The following HM13 variants were observed in gnomAD, a reference collection of about 807,000 sequenced individuals.
HM13 encodes signal peptide peptidase.
HM13 carries 18 observed loss-of-function variants against 50.0 expected under a neutral mutation model. The observed-to-expected ratio is 0.36, with a 90% CI of 0.25 to 0.53. The LOEUF is 0.53. Ranked by LOEUF, HM13 falls within the 20% of genes least tolerant of loss-of-function variation. The probability of loss-of-function intolerance (pLI) is 0.90; values close to 1 mark genes in which losing one functional copy is unlikely to be tolerated. For missense variants in HM13, 393 were observed against 552.4 expected (o/e 0.71, Z 2.89); for synonymous variants, 197 against 232.6 (o/e 0.85, Z 1.39).
chr20:31,552,171 G>T (rs1237276769), intron 7 of HM13, among the ~76,000 whole-genome samples: 1 of 152,188 alleles, frequency 6.6e-6, no homozygotes, highest in African/African-American at 2.4e-5. Context: ...GGGTGTGTAA[G>T]CCCAGAGAAC....
chr20:31,527,412 G>C, intron 1 of HM13, 72 bp from the exon 2 acceptor site: 1 of 1,048,866 alleles, frequency 9.5e-7, no homozygotes, highest in South Asian at 1.4e-5. Flanking sequence ...CAAGGGAATA[G>C]CATTAGCAGA....
At chr20:31,520,015 C>A (rs1982055032) in intron 1 of HM13, among the ~76,000 whole-genome samples, 1 of 151,926 alleles carries the variant, frequency 6.6e-6, no homozygotes, top group Non-Finnish European at 1.5e-5. Flanking sequence ...ACCCACCACA[C>A]CTGGCTAATT....
chr20:31,543,001 G>T (rs560696781), intron 3 of HM13, among the ~76,000 whole-genome samples: 2 of 152,294 alleles, frequency 1.3e-5, no homozygotes, highest in African/African-American at 4.8e-5. Context: ...TAAGGAAGAG[G>T]CCGGCTAAGA....
chr20:31,519,622 A>G (rs1380260150), intron 1 of HM13, among the ~76,000 whole-genome samples: 2 of 152,188 alleles, frequency 1.3e-5, no homozygotes, highest in Non-Finnish European at 2.9e-5. Context: ...TCAGAAGCTC[A>G]AGGTGGGCCC....
chr20:31,523,045 G>GGC (rs1555838862), intron 1 of HM13, among the ~76,000 whole-genome samples: 2 of 149,378 alleles, frequency 1.3e-5, no homozygotes, highest in Admixed American at 6.6e-5. Flanking sequence ...GTTTTTTTTG[G>GGC]GAGGGGGGCT....
intron 8 of HM13, among the ~76,000 whole-genome samples, chr20:31,558,159 C>CTTTTTCT (rs1207811952): frequency 4.6e-5 from 7 of 152,150 alleles, no homozygotes; most frequent in Non-Finnish European, 1.0e-4. Flanking sequence ...ATGTCTCTTT[C>CTTTTTCT]TTTTTCTTTT....
At chr20:31,522,963 A>G (rs780026107) in intron 1 of HM13, among the ~76,000 whole-genome samples, 1 of 150,118 alleles carries the variant, frequency 6.7e-6, no homozygotes, top group Non-Finnish European at 1.5e-5. Context: ...GCTGATGTTC[A>G]TACTGTGTGT....
chr20:31,516,564 G>A (rs139939278), intron 1 of HM13, among the ~76,000 whole-genome samples: 144 of 152,308 alleles, frequency 9.5e-4, no homozygotes, highest in African/African-American at 3.3e-3. Context: ...GAGCCTTGAC[G>A]TAGAGGTAGA....
At chr20:31,525,578 C>G (rs1747659498) in intron 1 of HM13, among the ~76,000 whole-genome samples, 1 of 152,026 alleles carries the variant, frequency 6.6e-6, no homozygotes, top group South Asian at 2.1e-4. Flanking sequence ...CTTTTGGTAG[C>G]CATGATATAA....
chr20:31,539,850 G>C (rs1215565459), intron 3 of HM13: 2 of 151,980 alleles, frequency 1.3e-5, no homozygotes, highest in Non-Finnish European at 2.9e-5. Flanking sequence ...CACACTGGCA[G>C]GACAGTGTGG....
At chr20:31,525,351 A>G (rs898094937) in intron 1 of HM13, among the ~76,000 whole-genome samples, 8 of 152,164 alleles carry the variant, frequency 5.3e-5, no homozygotes, top group Non-Finnish European at 1.2e-4. Flanking sequence ...TACCTTCTCC[A>G]GACACCCTCT....
intron 6 of HM13, 110 bp downstream of exon 6, chr20:31,549,442 G>C (rs1983906158): frequency 6.9e-7 from 1 of 1,452,526 alleles, no homozygotes; most frequent in Non-Finnish European, 9.5e-7. Flanking sequence ...GCTGTTTTGG[G>C]CTGAAGTTCC....
Position 31,529,753 on chromosome 20 carries a change from C to T in HM13, c.282+2171C>T, listed in dbSNP as rs555080021. Among the ~76,000 whole-genome samples the T allele has an allele frequency of 3.9e-5, 6 of 152,110 alleles. No individual in the cohort carries two copies. In the South Asian group the frequency reaches 1.2e-3, roughly 32 times the overall value. On this transcript the variant is annotated intron_variant, in intron 2 of 12. Transcript: ENST00000398174. ...CAACAATGGTGAAACCCTGTCTCTA[C>T]AAAAACTACAAAAATCCATCCTGGC... is the stretch of plus-strand genomic sequence containing the variant.
At chr20:31,560,887 T>G (rs1045417190) in intron 9 of HM13, among the ~76,000 whole-genome samples, 1 of 152,326 alleles carries the variant, frequency 6.6e-6, no homozygotes, top group South Asian at 2.1e-4. Flanking sequence ...ACTCATTCAT[T>G]CCACAAATGT....
In HM13 at chr20:31,544,977, C is replaced by T. The variant is rs1269058002; in HGVS notation, c.396C>T (p.Ser132=). ...SPFMNKFFPA[S]FPNRQYQLLF... is the part of the protein sequence containing the mutation. ...TCATGAATAAGTTTTTTCCAGCCAG[C>T]TTTCCAAATCGACAGTACCAGCTGC... The change falls in exon 4 of 13, where the codon AGC becomes AGT. Residue 132 remains serine (S), a synonymous_variant. Coordinates refer to ENST00000398174, the MANE Select transcript of HM13 (RefSeq NM_178581.3). The T allele has an allele frequency of 6.2e-7, 1 of 1,614,104 alleles. No individual in the cohort carries two copies. Among genetic ancestry groups the T allele is most frequent in the East Asian group, 2.2e-5 (1 of 44,904 alleles).
intron 11 of HM13, chr20:31,567,789 G>T: frequency 2.8e-6 from 1 of 356,190 alleles, no homozygotes; most frequent in Non-Finnish European, 5.0e-6. Flanking sequence ...GGAGCATTCT[G>T]CACATTGGGT....
At chr20:31,520,751 G>A (rs752583593) in intron 1 of HM13, among the ~76,000 whole-genome samples, 29 of 152,218 alleles carry the variant, frequency 1.9e-4, no homozygotes, top group Non-Finnish European at 3.8e-4. Flanking sequence ...AGGGCCAAAG[G>A]ATTGGGGTGG....
At chr20:31,546,752 C>G (rs1243373102) in intron 4 of HM13, among the ~76,000 whole-genome samples, 1 of 121,732 alleles carries the variant, frequency 8.2e-6, no homozygotes, top group Non-Finnish European at 1.6e-5. Flanking sequence ...GAGACCCTGT[C>G]TCAAAAAAAA....
chr20:31,553,879 T>TCCATAC (rs1984159625), intron 7 of HM13, among the ~76,000 whole-genome samples: 1 of 152,018 alleles, frequency 6.6e-6, no homozygotes, highest in African/African-American at 2.4e-5. Flanking sequence ...CCAACATCTG[T>TCCATAC]CCATACCCCT....
Sources: allele counts gnomAD v4.1 joint callset (sites outside exome capture counted in the v4.1 genomes callset), GRCh38; gene constraint gnomAD v4.1.1; transcripts MANE v1.5; gene names NCBI Gene and HGNC (gene_info 2026-07-23, HGNC 2026-07-21).